PIP4K2A: variants seen among roughly 807,000 people sequenced by gnomAD.
The protein encoded by PIP4K2A is phosphatidylinositol-5-phosphate 4-kinase type 2 alpha, also known as phosphatidylinositol 5-phosphate 4-kinase type-2 alpha.
A neutral mutation model predicts 42.9 loss-of-function variants in PIP4K2A; 14 were observed. The ratio of observed to expected loss-of-function variants is 0.33; its 90% CI spans 0.22 to 0.51. The LOEUF (loss-of-function observed/expected upper bound fraction) is 0.51. PIP4K2A is among the 20% of genes least tolerant of loss of function. The pLI is 0.97. For missense variants in PIP4K2A, 434 were observed against 519.8 expected (o/e 0.83, Z 1.61); for synonymous variants, 192 against 192.2 (o/e 1.00, Z 0.01).
intron 1 of PIP4K2A, among the ~76,000 whole-genome samples, chr10:22,699,311 A>G (rs1833665747): frequency 6.6e-6 from 1 of 152,184 alleles, no homozygotes. Context: ...TTGATTCTAC[A>G]GGAAATGTAC....
chr10:22,703,551 G>A (rs943421885), intron 1 of PIP4K2A, among the ~76,000 whole-genome samples: 1 of 152,198 alleles, frequency 6.6e-6, no homozygotes. Flanking sequence ...TCATGAAGAG[G>A]GTGTTATGGG....
At chr10:22,629,529 T>G (rs1838508370) in intron 1 of PIP4K2A, among the ~76,000 whole-genome samples, 1 of 152,182 alleles carries the variant, frequency 6.6e-6, no homozygotes, top group Middle Eastern at 3.2e-3. Flanking sequence ...AAGAGTGACT[T>G]TAAAGTAATA....
chr10:22,546,508 C>A (rs1251258426), intron 7 of PIP4K2A, among the ~76,000 whole-genome samples: 1 of 152,112 alleles, frequency 6.6e-6, no homozygotes, highest in Non-Finnish European at 1.5e-5. Context: ...AACTCTTGGA[C>A]TCAAGGGATC....
intron 6 of PIP4K2A, chr10:22,567,605 C>G: frequency 1.4e-6 from 1 of 703,108 alleles, no homozygotes; most frequent in South Asian, 1.5e-5. Flanking sequence ...GAGCAAGTTG[C>G]ATGTGGAATG....
intron 7 of PIP4K2A, among the ~76,000 whole-genome samples, chr10:22,549,825 T>C (rs1185111809): frequency 1.2e-5 from 1 of 85,512 alleles, no homozygotes; most frequent in East Asian, 3.4e-4. Flanking sequence ...TAGAAGACAG[T>C]GAGAATCCAT....
At chr10:22,575,458 CTA>C (rs887681948) in intron 4 of PIP4K2A, among the ~76,000 whole-genome samples, 1 of 152,172 alleles carries the variant, frequency 6.6e-6, no homozygotes, top group Non-Finnish European at 1.5e-5. Context: ...CCACAGAAAG[CTA>C]TGTCTCACAG....
intron 5 of PIP4K2A, among the ~76,000 whole-genome samples, chr10:22,569,369 T>C (rs1378632422): frequency 6.6e-6 from 1 of 152,154 alleles, no homozygotes; most frequent in African/African-American, 2.4e-5. Context: ...ATGTGAACCA[T>C]TCATGAAGGC....
intron 1 of PIP4K2A, among the ~76,000 whole-genome samples, chr10:22,627,002 G>A (rs1838452829): frequency 6.6e-6 from 1 of 152,054 alleles, no homozygotes; most frequent in Admixed American, 6.6e-5. Context: ...TTAGGAAAAA[G>A]GGCATTTGCC....
chr10:22,596,098 G>A (rs974917906), intron 3 of PIP4K2A, among the ~76,000 whole-genome samples: 5 of 150,998 alleles, frequency 3.3e-5, no homozygotes, highest in Non-Finnish European at 4.4e-5. Flanking sequence ...CCAGCTACTC[G>A]GGAGGCTGAG....
chr10:22,702,374 G>C (rs1219396610), intron 1 of PIP4K2A, among the ~76,000 whole-genome samples: 1 of 152,216 alleles, frequency 6.6e-6, no homozygotes, highest in East Asian at 1.9e-4. Flanking sequence ...CATGTCTGAA[G>C]CCATTAAAAG....
Position 22,672,630 on chromosome 10 carries a change from G to A in PIP4K2A, c.144+41553C>T, listed in dbSNP as rs1031775524. Among the ~76,000 whole-genome samples the A allele has an allele frequency of 3.3e-5, 5 of 152,160 alleles. No homozygotes were observed. In the South Asian group the frequency reaches 6.2e-4, roughly 19 times the overall value. ...AGAGAAAAGAGAAATGAATATTTAC[G>A]TCCAGAGGAGATGGATGCAGAGATC... On this transcript the variant is annotated intron_variant, in intron 1 of 9. Coordinates refer to ENST00000376573, the MANE Select transcript of PIP4K2A (RefSeq NM_005028.5).
At chr10:22,650,015 T>C (rs1369966808) in intron 1 of PIP4K2A, among the ~76,000 whole-genome samples, 1 of 152,176 alleles carries the variant, frequency 6.6e-6, no homozygotes, top group Non-Finnish European at 1.5e-5. Flanking sequence ...CATCAACTCC[T>C]TGGGGACAGG....
intron 1 of PIP4K2A, among the ~76,000 whole-genome samples, chr10:22,664,124 TATATAC>T (rs1564460016): frequency 3.0e-5 from 2 of 66,330 alleles, no homozygotes; most frequent in East Asian, 2.6e-4. Flanking sequence ...TACATATATA[TATATAC>T]ATATATATAT....
At chr10:22,590,450 T>C (rs1837485560) in intron 4 of PIP4K2A, among the ~76,000 whole-genome samples, 1 of 152,186 alleles carries the variant, frequency 6.6e-6, no homozygotes, top group Non-Finnish European at 1.5e-5. Context: ...CACCACACAT[T>C]GAGTATCTAG....
chr10:22,578,470 C>T (rs758635579), intron 4 of PIP4K2A, among the ~76,000 whole-genome samples: 2 of 152,128 alleles, frequency 1.3e-5, no homozygotes, highest in African/African-American at 4.8e-5. Context: ...CTGGGGCTTC[C>T]TCCCTCCCTT....
At chr10:22,664,220 T>TATATATAC (rs1315568648) in intron 1 of PIP4K2A, among the ~76,000 whole-genome samples, 1 of 45,540 alleles carries the variant, frequency 2.2e-5, no homozygotes, top group African/African-American at 8.6e-5. Flanking sequence ...TATATATACA[T>TATATATAC]ATATATATAC....
chr10:22,541,287 C>A (rs183482375), intron 8 of PIP4K2A, among the ~76,000 whole-genome samples: 1 of 152,176 alleles, frequency 6.6e-6, no homozygotes, highest in Non-Finnish European at 1.5e-5. Context: ...ACCCTTCACA[C>A]CCCTGAGAGG....
intron 1 of PIP4K2A, among the ~76,000 whole-genome samples, chr10:22,653,874 AAAAT>A (rs45584635): frequency 0.11 from 16,910 of 152,092 alleles, 1,010 homozygotes; most frequent in Middle Eastern, 0.21. Flanking sequence ...ACTCCATCTC[AAAAT>A]AAATAAATAA....
chr10:22,606,144 CCAAAA>C lies in PIP4K2A; in HGVS notation c.339+1778_339+1782del, dbSNP rs1485730018. 2.3e-3 allele frequency among the ~76,000 whole-genome samples: 298 copies of C among 130,604 alleles called. 3 individuals carry two copies. Among genetic ancestry groups the C allele is most frequent in the African/African-American group, 7.8e-3 (281 of 36,096 alleles). The allele number at this position is 130,604 out of a possible 152,430, so 85.7% of individuals were successfully genotyped here. ...TAACATAGTGAGACCCCAATCTCTA[CCAAAA>C]AAAAAAAAAAAATTAGCTGGGCATG... On this transcript the variant is annotated intron_variant, in intron 3 of 9. Coordinates refer to ENST00000376573, the MANE Select transcript of PIP4K2A (RefSeq NM_005028.5).
Sources: gnomAD v4.1 joint callset for allele counts (sites outside exome capture counted in the v4.1 genomes callset) on GRCh38, gnomAD v4.1.1 for gene constraint, MANE v1.5 for transcripts, NCBI Gene and HGNC (gene_info 2026-07-23, HGNC 2026-07-21) for gene names.